MAX: variants seen among roughly 807,000 people sequenced by gnomAD.
MAX encodes MYC associated transcriptional regulator X, also known as protein max.
In MAX, 3 loss-of-function variants were observed where a neutral mutation model predicts 22.3. That is an observed-to-expected ratio of 0.13 (90% CI 0.06 to 0.35). The LOEUF (loss-of-function observed/expected upper bound fraction) is 0.35, where lower values mean the gene tolerates loss of function less well. Among genes scored for constraint, MAX ranks in the 10% least tolerant of loss-of-function variants. The pLI is 1.00. For missense variants in MAX, 119 were observed against 209.4 expected (o/e 0.57, Z 2.66); for synonymous variants, 72 against 77.7 (o/e 0.93, Z 0.39).
rs2139512370 is a variant in MAX, at chr14:65,012,430, A to G, written c.172-6146T>C. ...AGGAACTCTTGCTGTCAAATTATCCACCAAATCCTCCTCCTTTTTCTATTT... is the reference window on the plus strand; with the variant it reads ...AGGAACTCTTGCTGTCAAATTATCCGCCAAATCCTCCTCCTTTTTCTATTT... On this transcript the variant is annotated intron_variant, in intron 3 of 3. Coordinates refer to the MAX transcript ENST00000341653. This position sits in a 1 kb window ranked among gnomAD's most constrained non-coding sequence, Gnocchi z 5.0. 6.2e-7 allele frequency: 1 copy of G among 1,612,038 alleles called. No individual in the cohort carries two copies. Among genetic ancestry groups the G allele is most frequent in the Non-Finnish European group, 8.5e-7 (1 of 1,178,348 alleles).
rs566694445 is a variant in MAX at position 65,011,833 on chromosome 14, C to T, written c.172-5549G>A. 5.9e-5 allele frequency among the ~76,000 whole-genome samples: 9 copies of T among 152,244 alleles called. No individual in the cohort carries two copies. The South Asian group carries it at 1.0e-3, about 18-fold the overall frequency. ...AGGGAGAGAATAATAGTTGGATAAC[C>T]GAGAGGCAGGCAGGGAGTAAATTAT... On this transcript the variant is annotated intron_variant, in intron 3 of 3. Coordinates refer to the MAX transcript ENST00000341653. This position sits in a 1 kb window ranked among gnomAD's most constrained non-coding sequence, Gnocchi z 4.0.
At chr14:65,083,067 AG>A (rs2063239276) in intron 3 of MAX, among the ~76,000 whole-genome samples, 1 of 152,176 alleles carries the variant, frequency 6.6e-6, no homozygotes, top group South Asian at 2.1e-4. Context: ...GAAGGGACCC[AG>A]GGTGTGGCAG....
At chr14:65,037,125 C>T (rs1329107560) in intron 3 of MAX, among the ~76,000 whole-genome samples, 24 of 149,024 alleles carry the variant, frequency 1.6e-4, no homozygotes, top group African/African-American at 3.5e-4. Flanking sequence ...TCCTTTGAGA[C>T]GGAGTCTTGC....
At chr14:65,100,321 G>A (rs372849886) in intron 2 of MAX, among the ~76,000 whole-genome samples, 6 of 152,192 alleles carry the variant, frequency 3.9e-5, no homozygotes, top group South Asian at 2.1e-4. Context: ...GTGGTGGCAC[G>A]CGCCTGTAGT....
chr14:65,089,756 T>TTAAAAAAA (rs2063445029), intron 3 of MAX, among the ~76,000 whole-genome samples: 1 of 36,096 alleles, frequency 2.8e-5, no homozygotes, highest in Non-Finnish European at 5.8e-5. Flanking sequence ...AGCATCTCTG[T>TTAAAAAAA]AAAAAAAAAA....
At chr14:65,092,806 C>T (rs11845448) in intron 3 of MAX, among the ~76,000 whole-genome samples, 13,660 of 152,226 alleles carry the variant, frequency 0.09, 2,017 homozygotes, top group African/African-American at 0.31. Flanking sequence ...CCAGGACCCC[C>T]ACCACAGAAC....
Position 65,054,835 on chromosome 14 carries a change from TAGTG to T in MAX, c.171+38869_171+38872del. On this transcript the variant is annotated intron_variant, in intron 3 of 3. Coordinates refer to the MAX transcript ENST00000341653. This position sits in a 1 kb window ranked among gnomAD's most constrained non-coding sequence, Gnocchi z 4.4. ...TCTGCCCTTCGAGCTGTGCAGCCGTTAGTGAGGATGTGACCACAGAGGAGACGCA... is the reference window on the plus strand; with the variant it reads ...TCTGCCCTTCGAGCTGTGCAGCCGTTAGGATGTGACCACAGAGGAGACGCA... The T allele has an allele frequency of 2.2e-6, 2 of 897,804 alleles. No individual in the cohort carries two copies. Among genetic ancestry groups the T allele is most frequent in the East Asian group, 2.7e-5 (1 of 37,392 alleles). 55.6% of individuals were successfully genotyped at this position (897,804 alleles called of 1,614,324 possible). A position where few individuals can be genotyped will look rare whatever the true frequency, so the allele number is the denominator to read the frequency against.
chr14:65,090,979 G>A (rs762115279), intron 3 of MAX, among the ~76,000 whole-genome samples: 7 of 152,062 alleles, frequency 4.6e-5, no homozygotes, highest in Admixed American at 1.3e-4. Flanking sequence ...GGCTTAGGAC[G>A]CATATGACAG....
Position 65,077,719 on chromosome 14 carries a change from G to A in MAX, c.295+194C>T, listed in dbSNP as rs754919351. The A allele has an allele frequency of 1.4e-5, 22 of 1,588,348 alleles. No individual in the cohort carries two copies. The highest frequency in any genetic ancestry group is 1.8e-5 in the Non-Finnish European group (21 of 1,168,982). On this transcript the variant is annotated intron_variant, in intron 4 of 4. Coordinates refer to ENST00000358664, the MANE Select transcript of MAX (RefSeq NM_002382.5). This position sits in a 1 kb window ranked among gnomAD's most constrained non-coding sequence, Gnocchi z 6.3. ...GATGTCCAACTTCCTAGCTTCCACT[G>A]TCTCCTCACTGGCGCCTCAGGTCCT...
rs71123901 is a variant in MAX, at chr14:65,020,733, C to CTTT, written c.172-14452_172-14450dup. On this transcript the variant is annotated intron_variant, in intron 3 of 3. Coordinates refer to the MAX transcript ENST00000341653. ...ACAGGCATGAGCCACCGCGCCCGGC[C>CTTT]TTTTTTTTTTTTTTTTGAGACGGAG... Among the ~76,000 whole-genome samples, 199 of 123,330 alleles carry CTTT rather than the reference C, an allele frequency of 1.6e-3. 6 individuals carry two copies. The South Asian group carries it at 0.023, about 14-fold the overall frequency. The allele number at this position is 123,330 out of a possible 152,430, so 80.9% of individuals were successfully genotyped here.
At chr14:65,080,043 A>C (rs2063163989) in intron 3 of MAX, among the ~76,000 whole-genome samples, 2 of 152,202 alleles carry the variant, frequency 1.3e-5, no homozygotes, top group South Asian at 4.1e-4. Flanking sequence ...ATACATGGAA[A>C]TATCACAGGG....
At chr14:65,072,520 T>A (rs2062999224), downstream of MAX, among the ~76,000 whole-genome samples, 1 of 152,164 alleles carries the variant, frequency 6.6e-6, no homozygotes, top group South Asian at 2.1e-4. Context: ...TCCTTTTGGT[T>A]CCCCGGGTTA....
rs1432566337 is a variant in MAX at position 65,007,369 on chromosome 14, G to A, written c.172-1085C>T. ...TCTAGATGGCAGGGCTTGTTTGTGT[G>A]TCTGAGGTCATGATGCTGATCAAAT... On this transcript the variant is annotated intron_variant, in intron 3 of 3. Transcript: ENST00000341653. The surrounding 1 kb of genome is among the most constrained non-coding windows in gnomAD (Gnocchi z 4.9). 6.6e-6 allele frequency among the ~76,000 whole-genome samples: 1 copy of A among 152,210 alleles called. No homozygotes were observed. The highest frequency in any genetic ancestry group is 6.5e-5 in the Admixed American group (1 of 15,280).
chr14:65,053,626 T>TAAAAAAAAACAAAAA (rs201689378), intron 3 of MAX, among the ~76,000 whole-genome samples: 1 of 144,324 alleles, frequency 6.9e-6, no homozygotes, highest in Non-Finnish European at 1.5e-5. Context: ...TTCTTTTTTT[T>TAAAAAAAAACAAAAA]AAAAAAAACA....
chr14:65,033,258 C>G (rs771576492), intron 3 of MAX, among the ~76,000 whole-genome samples: 3 of 152,170 alleles, frequency 2.0e-5, no homozygotes, highest in Non-Finnish European at 2.9e-5. Context: ...AAAAACCATA[C>G]AGATTAGCAC....
Position 65,070,126 on chromosome 14 carries a change from A to G in MAX, c.171+23582T>C, listed in dbSNP as rs868174635. Among the ~76,000 whole-genome samples the G allele has an allele frequency of 1.3e-5, 2 of 152,134 alleles. No individual in the cohort carries two copies. The highest frequency in any genetic ancestry group is 6.6e-5 in the Admixed American group (1 of 15,266). ...GATGAGTGACTGGGGGTGCATGCCC[A>G]TTGGGTTATTTTTTGAATCAGACTT... On this transcript the variant is annotated intron_variant, in intron 3 of 3. Transcript: ENST00000341653. The surrounding 1 kb of genome is among the most constrained non-coding windows in gnomAD (Gnocchi z 4.4).
downstream of MAX, among the ~76,000 whole-genome samples, chr14:65,074,280 T>C (rs1386178540): frequency 1.3e-5 from 2 of 152,268 alleles, no homozygotes; most frequent in Non-Finnish European, 2.9e-5. Flanking sequence ...CTTTCCTCTA[T>C]CTTGAAAAGA....
chr14:65,098,247 T>C (rs1253772401), intron 2 of MAX, among the ~76,000 whole-genome samples: 1 of 152,206 alleles, frequency 6.6e-6, no homozygotes, highest in Non-Finnish European at 1.5e-5. Context: ...GTACATGCAT[T>C]GTGCAGCACT....
chr14:65,090,676 TG>T lies in MAX; in HGVS notation c.171+3031del, dbSNP rs1206039980. 12 of 152,234 alleles carry T rather than the reference TG, an allele frequency of 7.9e-5. No individual in the cohort carries two copies. The East Asian group carries it at 2.3e-3, about 29-fold the overall frequency. 9.4% of individuals were successfully genotyped at this position (152,234 alleles called of 1,614,324 possible). ...AGCATCACCACGCCCAACTAATTTT[TG>T]TATTTTTTGTAGAGATGCAGTTTTG... is the stretch of plus-strand genomic sequence containing the variant. On this transcript the variant is annotated intron_variant, in intron 3 of 4. Transcript: ENST00000358664.
Sources: gnomAD v4.1 joint callset for allele counts (sites outside exome capture counted in the v4.1 genomes callset) on GRCh38, gnomAD v4.1.1 for gene constraint, Gnocchi (gnomAD v3.1) non-coding constraint, MANE v1.5 for transcripts, NCBI Gene and HGNC (gene_info 2026-07-23, HGNC 2026-07-21) for gene names.